ZFPM2: variants seen among roughly 807,000 people sequenced by gnomAD.
ZFPM2 encodes zinc finger protein ZFPM2.
Under a neutral mutation model 98.6 loss-of-function variants are expected in ZFPM2, and 20 were observed. That is an observed-to-expected ratio of 0.20 (90% CI 0.14 to 0.29). The LOEUF (loss-of-function observed/expected upper bound fraction) is 0.29. Among genes scored for constraint, ZFPM2 ranks in the 10% least tolerant of loss-of-function variants. The probability of loss-of-function intolerance (pLI) is 1.00; values close to 1 mark genes in which losing one functional copy is unlikely to be tolerated. For synonymous variants in ZFPM2, 518 were observed against 502.7 expected (o/e 1.03, Z -0.41); for missense variants, 1,310 against 1,388.6 (o/e 0.94, Z 0.90).
intron 3 of ZFPM2, among the ~76,000 whole-genome samples, chr8:105,467,845 A>G (rs1156537276): frequency 6.6e-6 from 1 of 152,058 alleles, no homozygotes; most frequent in Non-Finnish European, 1.5e-5. Context: ...TACTCTGGCC[A>G]TAATTAAAAT....
chr8:105,694,187 T>C (rs1037844376), intron 5 of ZFPM2, among the ~76,000 whole-genome samples: 11 of 151,700 alleles, frequency 7.3e-5, no homozygotes, highest in South Asian at 2.1e-4. Context: ...GGGGTTTCGC[T>C]GTGTTAGCCA....
chr8:105,436,192 C>T (rs1260464530), intron 2 of ZFPM2, among the ~76,000 whole-genome samples: 5 of 152,060 alleles, frequency 3.3e-5, no homozygotes, highest in African/African-American at 1.2e-4. Flanking sequence ...AAAAATAATG[C>T]TTATGAAGAT....
chr8:105,752,564 G>A (rs1334862026), intron 5 of ZFPM2, among the ~76,000 whole-genome samples: 2 of 152,096 alleles, frequency 1.3e-5, no homozygotes, highest in Non-Finnish European at 2.9e-5. Flanking sequence ...CTTTGTCAAC[G>A]TAGAACACTT....
intron 3 of ZFPM2, among the ~76,000 whole-genome samples, chr8:105,518,365 C>T (rs971339050): frequency 1.2e-4 from 19 of 152,262 alleles, no homozygotes; most frequent in East Asian, 9.7e-4. Context: ...GATAGCAACT[C>T]GTCTTTCATG....
At chr8:105,472,099 G>A (rs528548239) in intron 3 of ZFPM2, among the ~76,000 whole-genome samples, 8 of 152,266 alleles carry the variant, frequency 5.3e-5, no homozygotes, top group Non-Finnish European at 1.2e-4. Flanking sequence ...AGGCCACTGA[G>A]CTTTAGTTGT....
chr8:105,619,244 C>G (rs1816480775), intron 4 of ZFPM2, among the ~76,000 whole-genome samples: 1 of 152,050 alleles, frequency 6.6e-6, no homozygotes, highest in Non-Finnish European at 1.5e-5. Flanking sequence ...CATGGACCAT[C>G]AAATATGTGT....
chr8:105,625,788 G>A (rs952979488), intron 4 of ZFPM2, among the ~76,000 whole-genome samples: 1 of 151,818 alleles, frequency 6.6e-6, no homozygotes, highest in Non-Finnish European at 1.5e-5. Context: ...TCACCATGTT[G>A]GCCAGGCTGG....
Position 105,440,754 on chromosome 8 carries a change from G to T in ZFPM2, c.200-3526G>T, listed in dbSNP as rs963186991. 3.9e-5 allele frequency among the ~76,000 whole-genome samples: 6 copies of T among 152,244 alleles called. No individual in the cohort carries two copies. In the South Asian group the frequency reaches 6.2e-4, roughly 16 times the overall value. On this transcript the variant is annotated intron_variant, in intron 2 of 7. Transcript: ENST00000407775. ...GATACAGTCACTGCTAGCAACTGAA[G>T]ACCATCAAGAAGGAAGGGAATAAGG...
chr8:105,349,560 A>C (rs538443510), intron 1 of ZFPM2, among the ~76,000 whole-genome samples: 2 of 152,170 alleles, frequency 1.3e-5, no homozygotes, highest in Non-Finnish European at 2.9e-5. Flanking sequence ...AAGGGTTTAC[A>C]TTCACTTTTA....
In ZFPM2 at chr8:105,671,113, G is replaced by C. The variant is rs568680952; in HGVS notation, c.532+36756G>C. On this transcript the variant is annotated intron_variant, in intron 5 of 7. Transcript: ENST00000407775. ...TTCATCTCTTTAAAACAGGGAACTA[G>C]AAATAAAAATAGTGGCTTAAAGATA... Among the ~76,000 whole-genome samples the C allele has an allele frequency of 9.1e-4, 139 of 152,010 alleles. 1 individual carries two copies. Among genetic ancestry groups the C allele is most frequent in the African/African-American group, 3.3e-3 (135 of 41,522 alleles).
At chr8:105,490,736 C>G (rs1268939669) in intron 3 of ZFPM2, among the ~76,000 whole-genome samples, 1 of 151,958 alleles carries the variant, frequency 6.6e-6, no homozygotes, top group Non-Finnish European at 1.5e-5. Context: ...TAGAGCCAGG[C>G]CCATGGACAT....
chr8:105,344,173 A>G (rs2129677514), intron 1 of ZFPM2, among the ~76,000 whole-genome samples: 2 of 152,212 alleles, frequency 1.3e-5, no homozygotes, highest in South Asian at 2.1e-4. Context: ...CCCACAACTC[A>G]TGGGAATTGT....
intron 5 of ZFPM2, among the ~76,000 whole-genome samples, chr8:105,705,151 G>T (rs1391732436): frequency 1.3e-5 from 2 of 149,100 alleles, no homozygotes; most frequent in Non-Finnish European, 3.0e-5. Context: ...TTTCTGAATT[G>T]ATATATATAT....
At position 105,501,142 on chromosome 8, in the gene ZFPM2, T is replaced by C. The variant is rs548623182; in HGVS notation, c.301+56761T>C. Reference sequence around the variant, plus strand: ...TTTGAAAGGTGTTCTGGTAAGAACATGTTTTGATTGTGAAGTTCAAACAAT... The same window carrying C: ...TTTGAAAGGTGTTCTGGTAAGAACACGTTTTGATTGTGAAGTTCAAACAAT... On this transcript the variant is annotated intron_variant, in intron 3 of 7. Transcript: ENST00000407775. 2.7e-4 allele frequency among the ~76,000 whole-genome samples: 41 copies of C among 152,226 alleles called. No individual in the cohort carries two copies. The East Asian group carries it at 3.1e-3, about 11-fold the overall frequency.
intron 5 of ZFPM2, among the ~76,000 whole-genome samples, chr8:105,756,703 T>C (rs1248440200): frequency 2.0e-5 from 3 of 152,170 alleles, no homozygotes; most frequent in East Asian, 3.9e-4. Context: ...AGGGGGAAAA[T>C]GCTGAGTTTG....
At chr8:105,709,478 A>G (rs192451469) in intron 5 of ZFPM2, among the ~76,000 whole-genome samples, 153 of 152,240 alleles carry the variant, frequency 1.0e-3, no homozygotes, top group South Asian at 4.6e-3. Flanking sequence ...AGGTTCGTTC[A>G]CCAGAGATAT....
rs1358045458 is a variant in ZFPM2 at position 105,424,899 on chromosome 8, AT to A, written c.199+5598del. Among the ~76,000 whole-genome samples, 6 of 152,218 alleles carry A rather than the reference AT, an allele frequency of 3.9e-5. 1 individual carries two copies. The highest frequency in any genetic ancestry group is 5.9e-5 in the Non-Finnish European group (4 of 68,038). On this transcript the variant is annotated intron_variant, in intron 2 of 7. Transcript: ENST00000407775. Reference sequence around the variant, plus strand: ...ATCACATTTTATAAAGTTCGGTGAGATAGAGGATCATGAGGAAAAATAAAGC... The same window carrying A: ...ATCACATTTTATAAAGTTCGGTGAGAAGAGGATCATGAGGAAAAATAAAGC...
At chr8:105,754,946 A>ATGTG (rs34267329) in intron 5 of ZFPM2, among the ~76,000 whole-genome samples, 4,836 of 146,512 alleles carry the variant, frequency 0.033, 89 homozygotes, top group South Asian at 0.038. Context: ...GAAATTTAAT[A>ATGTG]TGTGTGTGTG....
At chr8:105,382,867 T>G (rs1004342992) in intron 1 of ZFPM2, among the ~76,000 whole-genome samples, 3 of 152,108 alleles carry the variant, frequency 2.0e-5, no homozygotes, top group African/African-American at 7.2e-5. Flanking sequence ...TTGCACCTCA[T>G]CTTTGAAGCT....
Sources: gnomAD v4.1 joint callset for allele counts (sites outside exome capture counted in the v4.1 genomes callset) on GRCh38, gnomAD v4.1.1 for gene constraint, MANE v1.5 for transcripts, NCBI Gene and HGNC (gene_info 2026-07-23, HGNC 2026-07-21) for gene names.